CNNM2: variants seen among roughly 807,000 people sequenced by gnomAD.
CNNM2 encodes the protein cyclin and CBS domain divalent metal cation transport mediator 2.
A neutral mutation model predicts 66.9 loss-of-function variants in CNNM2; 12 were observed. The ratio of observed to expected loss-of-function variants is 0.18; its 90% CI spans 0.11 to 0.29. CNNM2 has a LOEUF of 0.29. CNNM2 is among the 10% of genes least tolerant of loss of function. CNNM2 has a pLI of 1.00. For missense variants in CNNM2, 705 were observed against 1,167.7 expected (o/e 0.60, Z 5.77); for synonymous variants, 557 against 501.8 (o/e 1.11, Z -1.47).
rs754366356 is a variant in CNNM2 at position 103,056,908 on chromosome 10, G to A, written c.2017G>A (p.Glu673Lys). The A allele has an allele frequency of 3.1e-6, 5 of 1,613,784 alleles. No homozygotes were observed. The highest frequency in any genetic ancestry group is 3.4e-6 in the Non-Finnish European group (4 of 1,179,864). The change falls in exon 4 of 8, where the codon GAA (glutamate) becomes AAA (lysine). Residue 673 changes from glutamate to lysine, a missense_variant. Coordinates refer to ENST00000369878, the MANE Select transcript of CNNM2 (RefSeq NM_017649.5). ...TGATGAGAAGAACAAGAAAGCCCCCGAATACTACCTCTACCAGCGCAACAA... is the reference window on the plus strand; with the variant it reads ...TGATGAGAAGAACAAGAAAGCCCCCAAATACTACCTCTACCAGCGCAACAA... Reference protein sequence around the residue: ...KYDEKNKKAPEYYLYQRNKPV... With the variant: ...KYDEKNKKAPKYYLYQRNKPV...
chr10:103,011,646 C>CTGTGTGTGTGTGTGTGTGTG (rs10624803), intron 1 of CNNM2, among the ~76,000 whole-genome samples: 9 of 136,050 alleles, frequency 6.6e-5, no homozygotes, highest in African/African-American at 1.9e-4. Flanking sequence ...AATACTTGCA[C>CTGTGTGTGTGTGTGTGTGTG]TGTGTGTGTG....
Position 102,919,341 on chromosome 10 carries a change from G to A in CNNM2, c.861G>A (p.Leu287=). The A allele has an allele frequency of 6.2e-7, 1 of 1,613,504 alleles. No individual in the cohort carries two copies. The highest frequency in any genetic ancestry group is 8.5e-7 in the Non-Finnish European group (1 of 1,180,048). ...TCATGGCCCTGGACCCGATGGAGCT[G>A]CGCATCGTGCAGAACTGCGGCACGG... ...LGLMALDPME[L]RIVQNCGTEK... Residue 287 remains leucine, a synonymous_variant, in exon 1 of 8, where the codon CTG becomes CTA. Transcript: ENST00000369878.
intron 4 of CNNM2, among the ~76,000 whole-genome samples, chr10:103,061,636 G>A (rs1681233821): frequency 6.6e-6 from 1 of 152,164 alleles, no homozygotes; most frequent in Non-Finnish European, 1.5e-5. Flanking sequence ...TGGCATGATA[G>A]TCAATTGCAT....
intron 4 of CNNM2, among the ~76,000 whole-genome samples, chr10:103,062,074 T>G (rs1326244522): frequency 1.3e-5 from 2 of 152,250 alleles, no homozygotes; most frequent in African/African-American, 4.8e-5. Context: ...AATATATTTA[T>G]AGCAAATCTA....
At chr10:103,017,962 T>TAAAAAAAA (rs2064487247) in intron 1 of CNNM2, among the ~76,000 whole-genome samples, 1 of 36,384 alleles carries the variant, frequency 2.7e-5, no homozygotes, top group Non-Finnish European at 6.4e-5. Context: ...AGAATCTGTC[T>TAAAAAAAA]CAAAAAAAAA....
At chr10:103,067,265 G>C (rs1478118789) in intron 4 of CNNM2, among the ~76,000 whole-genome samples, 1 of 151,986 alleles carries the variant, frequency 6.6e-6, no homozygotes, top group East Asian at 1.9e-4. Context: ...ATGGGGTCTT[G>C]CTGTGTTGCC....
chr10:103,068,518 G>T, intron 4 of CNNM2, 111 bp from the exon 5 acceptor site: 3 of 857,248 alleles, frequency 3.5e-6, no homozygotes, highest in Non-Finnish European at 5.8e-6. Flanking sequence ...TCCCTCGATA[G>T]TGTTGGGAAA....
chr10:102,981,486 G>A (rs1210967285), intron 1 of CNNM2, among the ~76,000 whole-genome samples: 3 of 151,710 alleles, frequency 2.0e-5, no homozygotes, highest in Non-Finnish European at 4.4e-5. Context: ...AGTTCCTAGA[G>A]AAAAGTGATC....
At position 103,078,064 on chromosome 10, in the gene CNNM2, C is replaced by T. The variant is rs796156785; in HGVS notation, c.*884C>T. The T allele has an allele frequency of 3.2e-4, 49 of 152,664 alleles. No homozygotes were observed. The highest frequency in any genetic ancestry group is 3.4e-3 in the Middle Eastern group (1 of 294). The allele number at this position is 152,664 out of a possible 1,614,324, so 9.5% of individuals were successfully genotyped here. A position where few individuals can be genotyped will look rare whatever the true frequency, so the allele number is the denominator to read the frequency against. ...TAAGCTCACAGAGTGTCGTCGCCCA[C>T]CTCCCTGGTCCTTGCTCTTGTTAAC... is the stretch of plus-strand genomic sequence containing the variant. On this transcript the variant is annotated 3_prime_UTR_variant, in exon 8 of 8. Coordinates refer to ENST00000369878, the MANE Select transcript of CNNM2 (RefSeq NM_017649.5).
At chr10:103,016,539 A>G (rs942878734) in intron 1 of CNNM2, among the ~76,000 whole-genome samples, 1 of 152,098 alleles carries the variant, frequency 6.6e-6, no homozygotes, top group Non-Finnish European at 1.5e-5. Flanking sequence ...ACTTATTTTC[A>G]AGCCACAAGC....
chr10:103,089,349 C>T lies in CNNM2; in HGVS notation c.*12169C>T, dbSNP rs183220097. ...CACTCTGAGACTCTTTCCTTTTCCT[C>T]GTGTATCCAGATACACTGACATACG... On this transcript the variant is annotated 3_prime_UTR_variant, in exon 8 of 8. Transcript: ENST00000369878. 43 of 263,334 alleles carry T rather than the reference C, an allele frequency of 1.6e-4. No homozygotes were observed. The highest frequency in any genetic ancestry group is 8.2e-4 in the African/African-American group (38 of 46,298). The allele number at this position is 263,334 out of a possible 1,614,324, so 16.3% of individuals were successfully genotyped here.
Position 103,071,834 on chromosome 10 carries a change from C to A in CNNM2, c.2228C>A (p.Ser743Tyr). The change falls in exon 6 of 8, where the codon TCT becomes TAT. Residue 743 changes from serine (S) to tyrosine (Y), a missense_variant. Physicochemically the swap from Ser to Tyr is moderately radical, Grantham distance 144 (BLOSUM62 -2). This residue lies in a region of CNNM2 where 194 missense variants were observed against 227.6 expected (regional missense o/e 0.85). Coordinates refer to ENST00000369878, the MANE Select transcript of CNNM2 (RefSeq NM_017649.5). ...AGAACAGAGTTGTTAGCAGCAGGTT[C>A]TCCAGGTAATTCTGCATGCTTCCTT... ...VSRTELLAAGSPGENKSPPRP... is the reference protein window; with the variant it reads ...VSRTELLAAGYPGENKSPPRP... 1 of 1,613,692 alleles carries A rather than the reference C, an allele frequency of 6.2e-7. No individual in the cohort carries two copies. The highest frequency in any genetic ancestry group is 8.5e-7 in the Non-Finnish European group (1 of 1,179,618).
In CNNM2 at chr10:103,088,489, A is replaced by G. The variant is rs2065973393; in HGVS notation, c.*11309A>G. On this transcript the variant is annotated 3_prime_UTR_variant, in exon 8 of 8. Transcript: ENST00000369878. ...AACCTCCGCCTCCTGGGTTCAAGCA[A>G]TTCTCCTGCCTCAGCCTCCTGAGTA... 1 of 152,292 alleles carries G rather than the reference A, an allele frequency of 6.6e-6. No individual in the cohort carries two copies. The highest frequency in any genetic ancestry group is 1.9e-4 in the East Asian group (1 of 5,216). The allele number at this position is 152,292 out of a possible 1,614,324, so 9.4% of individuals were successfully genotyped here. A position where few individuals can be genotyped will look rare whatever the true frequency, so the allele number is the denominator to read the frequency against.
Position 103,039,727 on chromosome 10 carries a change from T to A in CNNM2, c.1622-9980T>A, listed in dbSNP as rs554706821. On this transcript the variant is annotated intron_variant, in intron 1 of 7. Coordinates refer to ENST00000369878, the MANE Select transcript of CNNM2 (RefSeq NM_017649.5). ...CAGTGGGTTGTGTGTGTTAGGGCAG[T>A]GAGTGAGGGGCTGGGGCTCTATAAG... Among the ~76,000 whole-genome samples the A allele has an allele frequency of 1.4e-4, 21 of 152,150 alleles. No homozygotes were observed. In the South Asian group the frequency reaches 4.2e-3, roughly 30 times the overall value.
intron 1 of CNNM2, among the ~76,000 whole-genome samples, chr10:103,021,876 AAT>A (rs1480295810): frequency 1.2e-4 from 19 of 152,206 alleles, no homozygotes; most frequent in African/African-American, 4.1e-4. Flanking sequence ...TGTATGTGTG[AAT>A]ATATATGTGT....
intron 1 of CNNM2, among the ~76,000 whole-genome samples, chr10:103,019,770 T>C (rs2064534060): frequency 6.6e-6 from 1 of 152,204 alleles, no homozygotes; most frequent in Non-Finnish European, 1.5e-5. Flanking sequence ...CACTGTTCTA[T>C]AGCCATAATT....
In CNNM2 at chr10:103,011,646, C is replaced by CTGTGTGTG. The variant is rs10624803; in HGVS notation, c.1622-38029_1622-38022dup. Among the ~76,000 whole-genome samples, 1,813 of 135,974 alleles carry CTGTGTGTG rather than the reference C, an allele frequency of 0.013. 19 individuals carry two copies. Among genetic ancestry groups the CTGTGTGTG allele is most frequent in the Admixed American group, 0.02 (265 of 13,276 alleles). 89.2% of individuals were successfully genotyped at this position (135,974 alleles called of 152,430 possible). A position where few individuals can be genotyped will look rare whatever the true frequency, so the allele number is the denominator to read the frequency against. ...TTCTTTTGCATAAGTAATACTTGCA[C>CTGTGTGTG]TGTGTGTGTGTGTGTGTGTGTGTGT... On this transcript the variant is annotated intron_variant, in intron 1 of 7. Coordinates refer to ENST00000369878, the MANE Select transcript of CNNM2 (RefSeq NM_017649.5).
intron 1 of CNNM2, among the ~76,000 whole-genome samples, chr10:103,001,978 C>T (rs1343991460): frequency 3.3e-5 from 5 of 151,992 alleles, no homozygotes; most frequent in Non-Finnish European, 5.9e-5. Flanking sequence ...CCTGGGTGAT[C>T]AGAGCAAGAC....
intron 1 of CNNM2, among the ~76,000 whole-genome samples, chr10:102,922,864 C>T (rs1026119742): frequency 5.3e-5 from 8 of 151,334 alleles, no homozygotes; most frequent in Non-Finnish European, 1.0e-4. Flanking sequence ...ATTCCTTGAG[C>T]CTGGGAGGCG....
Sources: allele counts gnomAD v4.1 joint callset (sites outside exome capture counted in the v4.1 genomes callset), GRCh38; gene constraint gnomAD v4.1.1; regional missense constraint gnomAD v4.1.1; transcripts MANE v1.5; gene names NCBI Gene and HGNC (gene_info 2026-07-23, HGNC 2026-07-21).